SDHAF4: variants seen among roughly 807,000 people sequenced by gnomAD.
SDHAF4 encodes the protein succinate dehydrogenase assembly factor 4, mitochondrial.
SDHAF4 carries 14 observed loss-of-function variants against 14.3 expected under a neutral mutation model. That is an observed-to-expected ratio of 0.98 (90% CI 0.65 to 1.53). SDHAF4 has a LOEUF of 1.53. Ranked by LOEUF, SDHAF4 falls within the 40% of genes most tolerant of loss-of-function variation. The pLI is 0.00. For missense variants in SDHAF4, 141 were observed against 129.3 expected (o/e 1.09, Z -0.44); for synonymous variants, 63 against 47.3 (o/e 1.33, Z -1.36).
At chr6:70,582,598 G>A (rs1243676100) in intron 2 of SDHAF4, among the ~76,000 whole-genome samples, 2 of 152,008 alleles carry the variant, frequency 1.3e-5, no homozygotes, top group South Asian at 2.1e-4. Context: ...CTCTTCCTTC[G>A]GGATTTCCAG....
chr6:70,585,857 A>G (rs562541069), intron 2 of SDHAF4, among the ~76,000 whole-genome samples: 1 of 152,286 alleles, frequency 6.6e-6, no homozygotes, highest in African/African-American at 2.4e-5. Context: ...TTTGGTGAAG[A>G]TCATTTAGTT....
chr6:70,584,201 G>A (rs1395134676), intron 2 of SDHAF4, among the ~76,000 whole-genome samples: 2 of 152,118 alleles, frequency 1.3e-5, no homozygotes, highest in African/African-American at 4.8e-5. Context: ...ATTTTTAGTA[G>A]AGATGGGGTT....
At chr6:70,593,334 A>G (rs1476757985), downstream of SDHAF4, among the ~76,000 whole-genome samples, 2 of 152,226 alleles carry the variant, frequency 1.3e-5, no homozygotes, top group African/African-American at 4.8e-5. Context: ...GGGCCCACGC[A>G]GAGACTTACT....
intron 1 of SDHAF4, among the ~76,000 whole-genome samples, chr6:70,570,060 C>T (rs955882635): frequency 3.3e-5 from 5 of 152,032 alleles, no homozygotes; most frequent in Admixed American, 2.6e-4. Flanking sequence ...TATAGGCATA[C>T]GTTTATTTCT....
intron 1 of SDHAF4, among the ~76,000 whole-genome samples, chr6:70,570,801 A>G (rs1326273914): frequency 6.6e-6 from 1 of 152,152 alleles, no homozygotes; most frequent in East Asian, 1.9e-4. Flanking sequence ...CCATCTCCTA[A>G]TAACTTCTAA....
At position 70,589,233 on chromosome 6, in the gene SDHAF4, C is replaced by T. The variant is rs992007220; in HGVS notation, c.*509C>T. On this transcript the variant is annotated 3_prime_UTR_variant, in exon 3 of 3. Transcript: ENST00000370474. Reference sequence around the variant, plus strand: ...AGGCTGGAGTGGAGTGGCACTATCCCAACTCACTGCAACTTCCGCCCCGCC... The same window carrying T: ...AGGCTGGAGTGGAGTGGCACTATCCTAACTCACTGCAACTTCCGCCCCGCC... 4 of 152,190 alleles carry T rather than the reference C, an allele frequency of 2.6e-5. No homozygotes were observed. The highest frequency in any genetic ancestry group is 9.6e-5 in the African/African-American group (4 of 41,518). 9.4% of individuals were successfully genotyped at this position (152,190 alleles called of 1,614,324 possible).
intron 2 of SDHAF4, among the ~76,000 whole-genome samples, chr6:70,581,320 AAG>A (rs1491488020): frequency 6.6e-6 from 1 of 151,820 alleles, no homozygotes; most frequent in African/African-American, 2.4e-5. Context: ...GTAAAAAAAA[AAG>A]AAAGCAAAAA....
At chr6:70,595,793 G>T in the SDHAF4 span, among the ~76,000 whole-genome samples, 1 of 143,142 alleles carries the variant, frequency 7.0e-6, no homozygotes, top group Non-Finnish European at 1.5e-5. Context: ...CTGAGATCAC[G>T]CCACTGCACT....
chr6:70,568,997 G>A (rs1194541945), intron 1 of SDHAF4, among the ~76,000 whole-genome samples: 2 of 100,140 alleles, frequency 2.0e-5, no homozygotes, highest in African/African-American at 4.6e-5. Context: ...GCGGAGTTTC[G>A]CTCTGTCGCC....
At chr6:70,577,471 CTT>C (rs1268236450) in intron 1 of SDHAF4, among the ~76,000 whole-genome samples, 1 of 152,110 alleles carries the variant, frequency 6.6e-6, no homozygotes, top group African/African-American at 2.4e-5. Context: ...GTTTGGATAA[CTT>C]TTATAGCATA....
chr6:70,567,363 C>A, intron 1 of SDHAF4: 1 of 267,734 alleles, frequency 3.7e-6, no homozygotes, highest in Non-Finnish European at 7.0e-6. Context: ...AAAGAAGGCC[C>A]TTTGGGAATG....
chr6:70,569,676 C>G (rs77665410), intron 1 of SDHAF4, among the ~76,000 whole-genome samples: 19,222 of 152,180 alleles, frequency 0.13, 1,490 homozygotes, highest in Middle Eastern at 0.19. Flanking sequence ...AATAGAATAA[C>G]GGGTCTGCAT....
intron 2 of SDHAF4, among the ~76,000 whole-genome samples, chr6:70,583,258 G>A (rs539054364): frequency 8.5e-5 from 13 of 152,244 alleles, no homozygotes; most frequent in East Asian, 1.9e-4. Context: ...GATTACAGGC[G>A]TCTGGCACCA....
intron 1 of SDHAF4, among the ~76,000 whole-genome samples, chr6:70,577,710 T>C (rs1802274644): frequency 6.6e-6 from 1 of 152,218 alleles, no homozygotes; most frequent in East Asian, 1.9e-4. Context: ...TTGCATCCCC[T>C]TCTTCCCTCC....
intron 2 of SDHAF4, among the ~76,000 whole-genome samples, chr6:70,584,867 T>C (rs1453790474): frequency 1.3e-5 from 2 of 152,156 alleles, no homozygotes; most frequent in African/African-American, 2.4e-5. Context: ...TGGATGTTGA[T>C]ATTAGGGATG....
At chr6:70,594,779 G>A in the SDHAF4 span, among the ~76,000 whole-genome samples, 2 of 152,090 alleles carry the variant, frequency 1.3e-5, no homozygotes, top group African/African-American at 4.8e-5. Context: ...AGATGTGGTG[G>A]TGCACACCTG....
At chr6:70,594,810 G>A in the SDHAF4 span, among the ~76,000 whole-genome samples, 143 of 152,182 alleles carry the variant, frequency 9.4e-4, no homozygotes, top group Non-Finnish European at 1.5e-3. Context: ...TACTCGGGAG[G>A]CTGAAGCAGG....
intron 1 of SDHAF4, among the ~76,000 whole-genome samples, chr6:70,578,545 T>C (rs115730447): frequency 6.6e-6 from 1 of 152,222 alleles, no homozygotes; most frequent in East Asian, 1.9e-4. Context: ...GTTGAGCGTT[T>C]CTTTTGCTCT....
In SDHAF4 at chr6:70,588,774, ATTAAC is replaced by A; in HGVS notation, c.*54_*58del. 1 of 1,039,442 alleles carries A rather than the reference ATTAAC, an allele frequency of 9.6e-7. No homozygotes were observed. Among genetic ancestry groups the A allele is most frequent in the Non-Finnish European group, 1.5e-6 (1 of 685,146 alleles). 64.4% of individuals were successfully genotyped at this position (1,039,442 alleles called of 1,614,324 possible). Reference sequence around the variant, plus strand: ...TTGTTTTCTGAATATGTACATCTGAATTAACTTATTTCTGATTATTTTCTTTCTTT... The same window carrying A: ...TTGTTTTCTGAATATGTACATCTGAATTATTTCTGATTATTTTCTTTCTTT... On this transcript the variant is annotated 3_prime_UTR_variant, in exon 3 of 3. Coordinates refer to ENST00000370474, the MANE Select transcript of SDHAF4 (RefSeq NM_145267.3).
Sources: allele counts gnomAD v4.1 joint callset (sites outside exome capture counted in the v4.1 genomes callset), GRCh38; gene constraint gnomAD v4.1.1; transcripts MANE v1.5; gene names NCBI Gene and HGNC (gene_info 2026-07-23, HGNC 2026-07-21).